NEGR1: variants seen among roughly 807,000 people sequenced by gnomAD.
NEGR1 encodes neuronal growth regulator 1, also known as IgLON family member 4.
Under a neutral mutation model 40.9 loss-of-function variants are expected in NEGR1, and 10 were observed. The ratio of observed to expected loss-of-function variants is 0.24; its 90% CI spans 0.15 to 0.42. The LOEUF (loss-of-function observed/expected upper bound fraction) is 0.42. Among genes scored for constraint, NEGR1 ranks in the 10% least tolerant of loss-of-function variants. NEGR1 has a pLI of 1.00. For missense variants in NEGR1, 352 were observed against 438.9 expected, an observed-to-expected ratio of 0.80 and a Z score of 1.77; for synonymous variants, 185 against 166.8, an observed-to-expected ratio of 1.11 and a Z score of -0.84.
chr1:72,023,329 T>A (rs1359311274), intron 1 of NEGR1, among the ~76,000 whole-genome samples: 4 of 152,142 alleles, frequency 2.6e-5, no homozygotes, highest in African/African-American at 7.2e-5. Flanking sequence ...TTTACACAAA[T>A]AAAATTACCT....
At chr1:72,120,920 T>TA (rs992056566) in intron 1 of NEGR1, among the ~76,000 whole-genome samples, 3 of 151,756 alleles carry the variant, frequency 2.0e-5, no homozygotes, top group Non-Finnish European at 4.4e-5. Flanking sequence ...AAATTTTGTT[T>TA]AAAAAAAAGG....
At chr1:72,121,598 C>T (rs544402795) in intron 1 of NEGR1, among the ~76,000 whole-genome samples, 4 of 151,934 alleles carry the variant, frequency 2.6e-5, no homozygotes, top group African/African-American at 7.2e-5. Context: ...CTTTTACCCT[C>T]TCTCCTTGTT....
intron 3 of NEGR1, among the ~76,000 whole-genome samples, chr1:71,740,152 T>G (rs770873136): frequency 6.6e-6 from 1 of 152,212 alleles, no homozygotes; most frequent in Non-Finnish European, 1.5e-5. Flanking sequence ...TTCTACAACA[T>G]AGCTGTTTAT....
At chr1:71,608,095 C>T (rs1650125865) in intron 5 of NEGR1, among the ~76,000 whole-genome samples, 1 of 152,166 alleles carries the variant, frequency 6.6e-6, no homozygotes, top group Admixed American at 6.5e-5. Flanking sequence ...TTCCTACTCC[C>T]TGCATATGCT....
chr1:72,080,658 T>A (rs1282634428), intron 1 of NEGR1, among the ~76,000 whole-genome samples: 1 of 152,124 alleles, frequency 6.6e-6, no homozygotes, highest in Non-Finnish European at 1.5e-5. Context: ...CACCTGGAGT[T>A]GTATTCTGTT....
chr1:71,588,572 T>A (rs755247073), intron 6 of NEGR1, among the ~76,000 whole-genome samples: 11 of 152,164 alleles, frequency 7.2e-5, no homozygotes, highest in African/African-American at 2.7e-4. Flanking sequence ...TTAGAAAACA[T>A]ACATTTTTAC....
rs575780804 is a variant in NEGR1, at chr1:71,585,986, T to C, written c.940+6831A>G. Among the ~76,000 whole-genome samples the C allele has an allele frequency of 3.9e-4, 59 of 152,238 alleles. No homozygotes were observed. In the South Asian group the frequency reaches 0.011, roughly 28 times the overall value. ...GCACTTGTTTTAGACTAGTAGTGTA[T>C]TGGCCATTTTGCATGTCCTCTCATT... On this transcript the variant is annotated intron_variant, in intron 6 of 6. Transcript: ENST00000357731.
intron 2 of NEGR1, among the ~76,000 whole-genome samples, chr1:71,809,628 A>G (rs1284974236): frequency 6.6e-6 from 1 of 152,176 alleles, no homozygotes; most frequent in African/African-American, 2.4e-5. Context: ...ATAAAAGTAA[A>G]CAATTAAATA....
intron 4 of NEGR1, among the ~76,000 whole-genome samples, chr1:71,654,835 C>A (rs748023800): frequency 6.6e-6 from 1 of 152,054 alleles, no homozygotes; most frequent in Non-Finnish European, 1.5e-5. Flanking sequence ...TTTGGGAGGT[C>A]TGTCTAATAT....
At chr1:71,999,092 G>C (rs565128734) in intron 1 of NEGR1, among the ~76,000 whole-genome samples, 1 of 151,972 alleles carries the variant, frequency 6.6e-6, no homozygotes, top group African/African-American at 2.4e-5. Flanking sequence ...GCTTTACTAT[G>C]GTTTTAGGTT....
chr1:71,698,063 A>G lies in NEGR1; in HGVS notation c.612T>C (p.Ser204=), dbSNP rs1290021038. 1 of 1,611,518 alleles carries G rather than the reference A, an allele frequency of 6.2e-7. No individual in the cohort carries two copies. Among genetic ancestry groups the G allele is most frequent in the East Asian group, 2.2e-5 (1 of 44,836 alleles). The change falls in exon 4 of 7, where the codon AGT becomes AGC. Residue 204 remains serine (S), a synonymous_variant. Transcript: ENST00000357731. ...TRDQAGEYEC[S]AENDVSFPDV... Reference sequence around the variant, plus strand: ...CTGGGAATGACACATCATTTTCCGCACTGCATTCATATTCCCCAGCCTGGT... The same window carrying G: ...CTGGGAATGACACATCATTTTCCGCGCTGCATTCATATTCCCCAGCCTGGT...
intron 1 of NEGR1, among the ~76,000 whole-genome samples, chr1:72,111,740 C>T (rs552373140): frequency 3.0e-4 from 45 of 151,762 alleles, no homozygotes; most frequent in African/African-American, 1.1e-3. Context: ...TCCATGAAAA[C>T]CCTTTCTTGA....
intron 2 of NEGR1, among the ~76,000 whole-genome samples, chr1:71,839,040 T>A (rs1010056572): frequency 1.3e-5 from 2 of 151,908 alleles, no homozygotes; most frequent in Admixed American, 1.3e-4. Flanking sequence ...GCTGACCACA[T>A]TGGGAAAGTT....
chr1:72,089,563 G>T (rs951640838), intron 1 of NEGR1, among the ~76,000 whole-genome samples: 1 of 152,116 alleles, frequency 6.6e-6, no homozygotes, highest in Non-Finnish European at 1.5e-5. Context: ...TTTTAAATTT[G>T]TAAAATAATA....
chr1:71,623,861 T>A (rs7538331), intron 4 of NEGR1, among the ~76,000 whole-genome samples: 5 of 151,934 alleles, frequency 3.3e-5, no homozygotes, highest in Admixed American at 2.0e-4. Context: ...AGAAGAAAAC[T>A]CTGCCTAATA....
intron 1 of NEGR1, among the ~76,000 whole-genome samples, chr1:72,077,205 A>G (rs923073435): frequency 6.6e-5 from 10 of 151,994 alleles, no homozygotes; most frequent in African/African-American, 2.2e-4. Flanking sequence ...TCATTTATCT[A>G]TTTTTATGTT....
At chr1:71,832,813 T>C (rs1258395315) in intron 2 of NEGR1, among the ~76,000 whole-genome samples, 1 of 152,170 alleles carries the variant, frequency 6.6e-6, no homozygotes, top group East Asian at 1.9e-4. Flanking sequence ...TAAGGAATCA[T>C]GGAGAATTTC....
intron 1 of NEGR1, among the ~76,000 whole-genome samples, chr1:72,254,086 C>T (rs918552847): frequency 6.6e-6 from 1 of 152,216 alleles, no homozygotes; most frequent in Non-Finnish European, 1.5e-5. Context: ...AACCCAAATT[C>T]TATACATAAC....
At chr1:72,074,758 C>G (rs1164051939) in intron 1 of NEGR1, among the ~76,000 whole-genome samples, 1 of 152,028 alleles carries the variant, frequency 6.6e-6, no homozygotes, top group Non-Finnish European at 1.5e-5. Flanking sequence ...AAATATGCCT[C>G]TATACAGTAT....
Sources: gnomAD v4.1 joint callset for allele counts (sites outside exome capture counted in the v4.1 genomes callset) on GRCh38, gnomAD v4.1.1 for gene constraint, MANE v1.5 for transcripts, NCBI Gene and HGNC (gene_info 2026-07-23, HGNC 2026-07-21) for gene names.